Variants in PCDH15 observed in about 807,000 individuals in gnomAD.
PCDH15 encodes protocadherin related 15.
PCDH15 carries 129 observed loss-of-function variants against 178.5 expected under a neutral mutation model. The ratio of observed to expected loss-of-function variants is 0.72; its 90% CI spans 0.63 to 0.84. PCDH15 has a LOEUF of 0.84. Among genes scored for constraint, PCDH15 ranks in the 40% least tolerant of loss-of-function variants. The pLI, the probability that PCDH15 is intolerant of heterozygous loss-of-function variation, is 0.00. For missense variants in PCDH15, 2,230 were observed against 2,099.9 expected (o/e 1.06, Z -1.21); for synonymous variants, 800 against 732.0 (o/e 1.09, Z -1.50).
chr10:54,508,871 T>C (rs1446842742), intron 3 of PCDH15, among the ~76,000 whole-genome samples: 1 of 152,128 alleles, frequency 6.6e-6, no homozygotes, highest in Admixed American at 6.6e-5. Flanking sequence ...TTTTTGAATA[T>C]TGGAATATTT....
At chr10:54,659,083 T>A (rs916692710) in intron 2 of PCDH15, among the ~76,000 whole-genome samples, 1 of 152,070 alleles carries the variant, frequency 6.6e-6, no homozygotes, top group Non-Finnish European at 1.5e-5. Context: ...CCTAAATATA[T>A]GCACCCAACA....
chr10:54,191,660 G>A (rs2048999371), intron 11 of PCDH15, among the ~76,000 whole-genome samples: 1 of 150,960 alleles, frequency 6.6e-6, no homozygotes, highest in Non-Finnish European at 1.5e-5. Flanking sequence ...GCTCATGCCT[G>A]TAAACCCGAG....
chr10:55,284,362 T>C (rs1211345659), intron 1 of PCDH15, among the ~76,000 whole-genome samples: 1 of 152,048 alleles, frequency 6.6e-6, no homozygotes, highest in Non-Finnish European at 1.5e-5. Context: ...GAAATAAAGG[T>C]GAATTTCACA....
intron 2 of PCDH15, among the ~76,000 whole-genome samples, chr10:54,571,774 A>T (rs1930152): frequency 0.94 from 142,562 of 152,228 alleles, 67,026 homozygotes; most frequent in Middle Eastern, 0.98. Context: ...ATTTCATCTA[A>T]TTTTAGCAGC....
intron 2 of PCDH15, among the ~76,000 whole-genome samples, chr10:54,943,309 A>G (rs1265206434): frequency 1.3e-5 from 2 of 151,938 alleles, no homozygotes; most frequent in Admixed American, 1.3e-4. Flanking sequence ...CATACATTGC[A>G]TCATTCTAAC....
intron 1 of PCDH15, among the ~76,000 whole-genome samples, chr10:55,250,482 TA>T (rs202237750): frequency 7.9e-4 from 105 of 132,954 alleles, no homozygotes; most frequent in African/African-American, 2.2e-3. Flanking sequence ...CAGACCCTTG[TA>T]AAAAAAAAAA....
chr10:54,852,898 A>C (rs1324170393), intron 3 of PCDH15, among the ~76,000 whole-genome samples: 1 of 151,618 alleles, frequency 6.6e-6, no homozygotes, highest in African/African-American at 2.4e-5. Context: ...ATTAAAATAA[A>C]AGTTTATTTT....
intron 2 of PCDH15, among the ~76,000 whole-genome samples, chr10:55,124,453 T>A (rs1837848866): frequency 6.6e-6 from 1 of 152,146 alleles, no homozygotes; most frequent in African/African-American, 2.4e-5. Flanking sequence ...TTAAAAACTT[T>A]AATAGAATAA....
chr10:55,110,412 C>T (rs1029394942), intron 2 of PCDH15, among the ~76,000 whole-genome samples: 9 of 151,932 alleles, frequency 5.9e-5, no homozygotes, highest in African/African-American at 1.7e-4. Context: ...AGAATGTAGT[C>T]GTTTAAAAAG....
chr10:55,307,149 A>G, intron 1 of PCDH15, among the ~76,000 whole-genome samples: 1 of 151,972 alleles, frequency 6.6e-6, no homozygotes, highest in South Asian at 2.1e-4. Flanking sequence ...GAAATATCAG[A>G]TATTTTAAAA....
chr10:54,016,217 G>A (rs550758962), intron 20 of PCDH15, among the ~76,000 whole-genome samples: 5 of 151,066 alleles, frequency 3.3e-5, no homozygotes, highest in Non-Finnish European at 5.9e-5. Context: ...ACCACAATGA[G>A]ATACCATCTC....
intron 2 of PCDH15, among the ~76,000 whole-genome samples, chr10:54,541,732 T>TAC (rs2085253043): frequency 6.6e-6 from 1 of 152,236 alleles, no homozygotes; most frequent in South Asian, 2.1e-4. Flanking sequence ...AAGCAGCTTT[T>TAC]ATTTCCATCT....
intron 23 of PCDH15, among the ~76,000 whole-genome samples, chr10:53,953,877 C>T (rs1381276341): frequency 2.0e-5 from 3 of 152,150 alleles, no homozygotes; most frequent in South Asian, 2.1e-4. Context: ...GCAAGCTCAG[C>T]CTCTTGGGTT....
chr10:54,307,102 G>A (rs866871169), intron 8 of PCDH15, among the ~76,000 whole-genome samples: 671 of 11,720 alleles, frequency 0.057, 86 homozygotes, highest in African/African-American at 0.13. Context: ...ATGTGTGTGT[G>A]TGTATATATA....
chr10:54,607,093 T>A (rs1000026228), intron 2 of PCDH15: 1 of 152,114 alleles, frequency 6.6e-6, no homozygotes, highest in Non-Finnish European at 1.5e-5. Flanking sequence ...GGTCTTTTAG[T>A]TGTCAAAGTA....
At chr10:54,836,566 T>C (rs1488042382) in intron 3 of PCDH15, among the ~76,000 whole-genome samples, 1 of 152,168 alleles carries the variant, frequency 6.6e-6, no homozygotes, top group Non-Finnish European at 1.5e-5. Context: ...TGTGTGTGTC[T>C]CTGTGTGCAT....
At chr10:54,578,617 A>G (rs2090742707) in intron 2 of PCDH15, among the ~76,000 whole-genome samples, 3 of 152,166 alleles carry the variant, frequency 2.0e-5, no homozygotes, top group East Asian at 1.9e-4. Flanking sequence ...TGACAAAAAT[A>G]TATAATAAAA....
chr10:54,421,839 C>T (rs974908313), intron 3 of PCDH15, among the ~76,000 whole-genome samples: 6,838 of 71,484 alleles, frequency 0.096, 336 homozygotes, highest in Non-Finnish European at 0.11. Flanking sequence ...TATATATATA[C>T]ACACACACTA....
chr10:54,355,817 T>G (rs1307711235), intron 5 of PCDH15, among the ~76,000 whole-genome samples: 1 of 152,060 alleles, frequency 6.6e-6, no homozygotes, highest in Non-Finnish European at 1.5e-5. Flanking sequence ...ATGATTTCAG[T>G]GTGCAAACCT....
Sources: gnomAD v4.1 joint callset for allele counts (sites outside exome capture counted in the v4.1 genomes callset) on GRCh38, gnomAD v4.1.1 for gene constraint, MANE v1.5 for transcripts, NCBI Gene and HGNC (gene_info 2026-07-23, HGNC 2026-07-21) for gene names.